Variants in SNTB2 observed in about 807,000 individuals in gnomAD.
SNTB2 encodes beta-2-syntrophin.
In SNTB2, 34 loss-of-function variants were observed where a neutral mutation model predicts 46.2. That is an observed-to-expected ratio of 0.74 (90% CI 0.56 to 0.98). The LOEUF (loss-of-function observed/expected upper bound fraction) is 0.98, where lower values mean the gene tolerates loss of function less well. SNTB2 is among the 50% of genes least tolerant of loss of function. SNTB2 has a pLI of 0.00. For missense variants in SNTB2, 603 were observed against 731.4 expected (o/e 0.82, Z 2.02); for synonymous variants, 290 against 312.6 (o/e 0.93, Z 0.76).
At chr16:69,191,733 C>T (rs1021542712) in intron 1 of SNTB2, among the ~76,000 whole-genome samples, 4 of 151,880 alleles carry the variant, frequency 2.6e-5, no homozygotes, top group South Asian at 4.2e-4. Flanking sequence ...CTCCGCCTAC[C>T]GGGTTCACGC....
In SNTB2 at chr16:69,308,727, T is replaced by C. The variant is rs1567420180; in HGVS notation, c.*7803T>C. 6.6e-6 allele frequency: 1 copy of C among 152,220 alleles called. No homozygotes were observed. Among genetic ancestry groups the C allele is most frequent in the Non-Finnish European group, 1.5e-5 (1 of 68,046 alleles). 9.4% of individuals were successfully genotyped at this position (152,220 alleles called of 1,614,324 possible). ...TACAAATAATTAAAAGTATGTGATGTTCTGGGTTTTTTCCTTCTTTTTAGA... is the reference window on the plus strand; with the variant it reads ...TACAAATAATTAAAAGTATGTGATGCTCTGGGTTTTTTCCTTCTTTTTAGA... On this transcript the variant is annotated 3_prime_UTR_variant, in exon 7 of 7. Transcript: ENST00000336278.
At chr16:69,193,047 A>G (rs1964069542) in intron 1 of SNTB2, among the ~76,000 whole-genome samples, 1 of 152,008 alleles carries the variant, frequency 6.6e-6, no homozygotes, top group Non-Finnish European at 1.5e-5. Flanking sequence ...AATGAAATAG[A>G]TGAGAAAGTT....
At chr16:69,212,448 C>T (rs1051091776) in intron 1 of SNTB2, among the ~76,000 whole-genome samples, 76 of 152,202 alleles carry the variant, frequency 5.0e-4, no homozygotes, top group African/African-American at 1.7e-3. Context: ...AAGCGATTCT[C>T]CTGCCTCAGC....
rs1965260564 is a variant in SNTB2 at position 69,299,638 on chromosome 16, A to G, written c.1394A>G (p.Asn465Ser). 6.2e-7 allele frequency: 1 copy of G among 1,614,196 alleles called. No individual in the cohort carries two copies. The highest frequency in any genetic ancestry group is 8.5e-7 in the Non-Finnish European group (1 of 1,180,040). ...GTGAGGCTTACTATTCACTATGAAA[A>G]TGGGTTCACCATCTCAAGGGAAAAT... is the stretch of plus-strand genomic sequence containing the variant. ...QEVRLTIHYE[N>S]GFTISRENGG... The change falls in exon 6 of 7, where the codon AAT (asparagine) becomes AGT (serine). Residue 465 changes from asparagine to serine, a missense_variant. Asn to Ser is a conservative substitution (Grantham distance 46). This residue lies in a region of SNTB2 where 537 missense variants were observed against 692.4 expected (regional missense o/e 0.78). Coordinates refer to ENST00000336278, the MANE Select transcript of SNTB2 (RefSeq NM_006750.4).
At chr16:69,208,043 A>C (rs1964242012) in intron 1 of SNTB2, among the ~76,000 whole-genome samples, 1 of 146,400 alleles carries the variant, frequency 6.8e-6, no homozygotes, top group African/African-American at 2.5e-5. Context: ...TGGGAGGTAG[A>C]GGTTGCAGTA....
At chr16:69,198,051 A>G (rs566287163) in intron 1 of SNTB2, among the ~76,000 whole-genome samples, 5 of 151,622 alleles carry the variant, frequency 3.3e-5, no homozygotes, top group Non-Finnish European at 7.4e-5. Context: ...TTCACCAGAG[A>G]TGTTTTGATA....
At chr16:69,281,042 G>A (rs1049633573) in intron 4 of SNTB2, among the ~76,000 whole-genome samples, 1 of 152,086 alleles carries the variant, frequency 6.6e-6, no homozygotes, top group East Asian at 1.9e-4. Flanking sequence ...TGATCCGCCC[G>A]CCTCGGCCTC....
chr16:69,228,692 A>G (rs547056288), intron 1 of SNTB2, among the ~76,000 whole-genome samples: 1 of 152,072 alleles, frequency 6.6e-6, no homozygotes, highest in Non-Finnish European at 1.5e-5. Flanking sequence ...TCTATTAATT[A>G]TGTACATACA....
At chr16:69,257,423 T>G (rs1964789096) in intron 2 of SNTB2, among the ~76,000 whole-genome samples, 1 of 131,830 alleles carries the variant, frequency 7.6e-6, no homozygotes, top group Non-Finnish European at 1.6e-5. Context: ...TCTTATTTAT[T>G]TATTTATTTA....
At chr16:69,227,008 A>G (rs1356791506) in intron 1 of SNTB2, among the ~76,000 whole-genome samples, 3 of 152,234 alleles carry the variant, frequency 2.0e-5, no homozygotes, top group Non-Finnish European at 4.4e-5. Flanking sequence ...TCTATGTGAC[A>G]ACCTTCAGTA....
rs991586927 is a variant in SNTB2 at position 69,301,227 on chromosome 16, C to CT, written c.*312dup. 422 of 225,010 alleles carry CT rather than the reference C, an allele frequency of 1.9e-3. 2 individuals are homozygous for CT. The highest frequency in any genetic ancestry group is 3.3e-3 in the African/African-American group (147 of 44,004). 13.9% of individuals were successfully genotyped at this position (225,010 alleles called of 1,614,324 possible). On this transcript the variant is annotated 3_prime_UTR_variant, in exon 7 of 7. Transcript: ENST00000336278. ...GCTAAAAAGAATGGCTCATTGTTTT[C>CT]TTTTTTTTTCATTGTTTTCATTTTT...
chr16:69,295,130 G>GT (rs1302523017), intron 5 of SNTB2, among the ~76,000 whole-genome samples: 1 of 144,510 alleles, frequency 6.9e-6, no homozygotes, highest in Non-Finnish European at 1.5e-5. Context: ...CAAAACTGTA[G>GT]TTTTTTACCC....
chr16:69,270,060 T>G, intron 3 of SNTB2, 83 bp from the exon 4 acceptor site: 3 of 1,504,504 alleles, frequency 2.0e-6, no homozygotes, highest in South Asian at 1.1e-5. Flanking sequence ...TGGAGACCCA[T>G]TGTGTTAGGC....
chr16:69,225,459 G>A (rs944224836), intron 1 of SNTB2, among the ~76,000 whole-genome samples: 4 of 152,148 alleles, frequency 2.6e-5, no homozygotes, highest in African/African-American at 4.8e-5. Flanking sequence ...TGGAAATTTC[G>A]TTGTCTCGTG....
intron 4 of SNTB2, among the ~76,000 whole-genome samples, chr16:69,281,487 T>TTG (rs1965043761): frequency 7.9e-6 from 1 of 126,466 alleles, no homozygotes; most frequent in Non-Finnish European, 1.7e-5. Context: ...AAGGTCTGGT[T>TTG]TTTTTTTTTT....
intron 1 of SNTB2, among the ~76,000 whole-genome samples, chr16:69,206,076 A>G (rs1251140927): frequency 6.6e-6 from 1 of 152,178 alleles, no homozygotes; most frequent in Non-Finnish European, 1.5e-5. Context: ...AGCTCACAGC[A>G]TCCTCTAACT....
intron 1 of SNTB2, among the ~76,000 whole-genome samples, chr16:69,197,640 C>T (rs1163014808): frequency 1.3e-5 from 2 of 152,094 alleles, no homozygotes; most frequent in East Asian, 3.8e-4. Context: ...TTTTGGAAAA[C>T]ACCAGTTTTA....
At chr16:69,258,719 C>G (rs1033254889) in intron 2 of SNTB2, among the ~76,000 whole-genome samples, 2 of 144,736 alleles carry the variant, frequency 1.4e-5, no homozygotes, top group Non-Finnish European at 3.0e-5. Context: ...TCAAGCAATT[C>G]TCCTGCCTCA....
chr16:69,254,428 T>C (rs1567407972), intron 2 of SNTB2, among the ~76,000 whole-genome samples: 1 of 152,212 alleles, frequency 6.6e-6, no homozygotes, highest in Non-Finnish European at 1.5e-5. Context: ...GCTTCCAAAA[T>C]TTTGTTGTAG....
Sources: gnomAD v4.1 joint callset for allele counts (sites outside exome capture counted in the v4.1 genomes callset) on GRCh38, gnomAD v4.1.1 for gene constraint, gnomAD v4.1.1 regional missense constraint, MANE v1.5 for transcripts, NCBI Gene and HGNC (gene_info 2026-07-23, HGNC 2026-07-21) for gene names.